HYAL4: variants seen among roughly 807,000 people sequenced by gnomAD.
The protein encoded by HYAL4 is hyaluronidase-4.
A neutral mutation model predicts 35.2 loss-of-function variants in HYAL4; 37 were observed. The ratio of observed to expected loss-of-function variants is 1.05; its 90% CI spans 0.81 to 1.38. The LOEUF is 1.38. HYAL4 is among the 40% of genes most tolerant of loss of function. The probability of loss-of-function intolerance (pLI) is 0.00; values close to 1 mark genes in which losing one functional copy is unlikely to be tolerated. For synonymous variants in HYAL4, 198 were observed against 203.2 expected (o/e 0.97, Z 0.22); for missense variants, 572 against 572.4 (o/e 1.00, Z 0.01).
At chr7:123,797,173 G>A in the HYAL4 span, among the ~76,000 whole-genome samples, 2 of 152,204 alleles carry the variant, frequency 1.3e-5, no homozygotes, top group Non-Finnish European at 2.9e-5. Context: ...AAAGAAGCCT[G>A]GCTTAATGAG....
the HYAL4 span, among the ~76,000 whole-genome samples, chr7:123,770,648 T>A: frequency 1.3e-5 from 2 of 151,954 alleles, no homozygotes; most frequent in Non-Finnish European, 2.9e-5. Flanking sequence ...GGAGCATTAG[T>A]CATGGAGAGG....
the HYAL4 span, among the ~76,000 whole-genome samples, chr7:123,820,713 G>A: frequency 2.0e-5 from 3 of 152,020 alleles, no homozygotes; most frequent in African/African-American, 4.8e-5. Context: ...GAGATCTCTC[G>A]AACTTGTTTA....
At chr7:123,809,371 T>C in the HYAL4 span, among the ~76,000 whole-genome samples, 3 of 151,890 alleles carry the variant, frequency 2.0e-5, no homozygotes, top group African/African-American at 7.2e-5. Flanking sequence ...AGCAGTATTC[T>C]TTCTTTCTTT....
chr7:123,861,988 C>T (rs1208542401), intron 2 of HYAL4, among the ~76,000 whole-genome samples: 1 of 151,970 alleles, frequency 6.6e-6, no homozygotes, highest in East Asian at 1.9e-4. Context: ...AAATATTTTG[C>T]TTTTTCTGCT....
At chr7:123,874,983 C>A (rs2116969292) in intron 4 of HYAL4, 133 bp downstream of exon 4, 1 of 611,408 alleles carries the variant, frequency 1.6e-6, no homozygotes, top group Non-Finnish European at 2.9e-6. Flanking sequence ...TGATACATAG[C>A]AAAGGCTAAA....
intron 3 of HYAL4, 133 bp downstream of exon 3, chr7:123,869,360 C>T (rs1314627606): frequency 6.1e-6 from 4 of 651,622 alleles, no homozygotes; most frequent in Non-Finnish European, 1.0e-5. Flanking sequence ...TCTTCCTTGA[C>T]TAGTCATGCA....
upstream of HYAL4, among the ~76,000 whole-genome samples, chr7:123,827,626 G>C (rs1399568210): frequency 1.3e-5 from 2 of 152,098 alleles, no homozygotes; most frequent in Non-Finnish European, 2.9e-5. Flanking sequence ...GATTGAATGT[G>C]CCTGTAACAA....
rs1031757226 is a variant in HYAL4, at chr7:123,877,261, A to G, written c.*106A>G. Reference sequence around the variant, plus strand: ...CTTATGAATTCTATTGAGAGATATTATAAGTAGACATTATGTATGTCACTT... The same window carrying G: ...CTTATGAATTCTATTGAGAGATATTGTAAGTAGACATTATGTATGTCACTT... On this transcript the variant is annotated 3_prime_UTR_variant, in exon 5 of 5. Transcript: ENST00000223026. 2.8e-6 allele frequency: 3 copies of G among 1,090,360 alleles called. No individual in the cohort carries two copies. The highest frequency in any genetic ancestry group is 3.2e-5 in the South Asian group (2 of 62,024). The allele number at this position is 1,090,360 out of a possible 1,614,324, so 67.5% of individuals were successfully genotyped here.
chr7:123,841,138 T>A (rs1806051059), upstream of HYAL4, among the ~76,000 whole-genome samples: 1 of 151,970 alleles, frequency 6.6e-6, no homozygotes, highest in African/African-American at 2.4e-5. Context: ...CATAAATAGC[T>A]CTTATTATTT....
chr7:123,834,084 T>C (rs1805924865), intron 1 of HYAL4, among the ~76,000 whole-genome samples: 1 of 152,154 alleles, frequency 6.6e-6, no homozygotes, highest in South Asian at 2.1e-4. Flanking sequence ...TTTGGTTCCG[T>C]AGGAATTTTA....
intron 1 of HYAL4, among the ~76,000 whole-genome samples, chr7:123,830,886 A>T (rs1218832984): frequency 6.6e-6 from 1 of 152,074 alleles, no homozygotes; most frequent in African/African-American, 2.4e-5. Flanking sequence ...GCTTTTCTAC[A>T]TCTGAACCCT....
chr7:123,872,495 A>AC lies in HYAL4; in HGVS notation c.955-2264dup, dbSNP rs112572624. Among the ~76,000 whole-genome samples the AC allele has an allele frequency of 1.4e-3, 220 of 152,358 alleles. 1 individual carries two copies. The highest frequency in any genetic ancestry group is 4.9e-3 in the African/African-American group (204 of 41,588). On this transcript the variant is annotated intron_variant, in intron 3 of 4. Transcript: ENST00000223026. ...ACTTTGATAAGCGTCAGGGACTGACACCGAAGTGTTGAGTGAATCCCCTGA... is the reference window on the plus strand; with the variant it reads ...ACTTTGATAAGCGTCAGGGACTGACACCCGAAGTGTTGAGTGAATCCCCTGA...
At chr7:123,781,013 G>A in the HYAL4 span, among the ~76,000 whole-genome samples, 1 of 50,126 alleles carries the variant, frequency 2.0e-5, no homozygotes, top group African/African-American at 1.1e-4. Context: ...ATATGGCCTC[G>A]TGGGAAGGGA....
chr7:123,798,015 C>G, the HYAL4 span, among the ~76,000 whole-genome samples: 2 of 152,154 alleles, frequency 1.3e-5, no homozygotes, highest in Non-Finnish European at 2.9e-5. Context: ...TTTTACCCAC[C>G]AGAGGGTGCT....
chr7:123,791,361 T>G, the HYAL4 span, among the ~76,000 whole-genome samples: 1 of 152,198 alleles, frequency 6.6e-6, no homozygotes, highest in African/African-American at 2.4e-5. Context: ...ATCATGTAAA[T>G]AGAAAATGAT....
At chr7:123,770,870 C>T in the HYAL4 span, among the ~76,000 whole-genome samples, 1 of 151,624 alleles carries the variant, frequency 6.6e-6, no homozygotes, top group Admixed American at 6.6e-5. Flanking sequence ...AATTATAGTC[C>T]GTGAAAGGCA....
the HYAL4 span, among the ~76,000 whole-genome samples, chr7:123,805,736 T>G: frequency 6.6e-6 from 1 of 152,206 alleles, no homozygotes; most frequent in African/African-American, 2.4e-5. Context: ...AATTGTTACA[T>G]TATGTAATAT....
chr7:123,775,120 T>A, the HYAL4 span, among the ~76,000 whole-genome samples: 2 of 152,174 alleles, frequency 1.3e-5, no homozygotes, highest in Non-Finnish European at 2.9e-5. Flanking sequence ...TTTAAGAGAA[T>A]ACTTGCACAT....
intron 2 of HYAL4, among the ~76,000 whole-genome samples, chr7:123,852,463 C>T (rs1009025443): frequency 1.3e-5 from 2 of 152,144 alleles, no homozygotes; most frequent in African/African-American, 4.8e-5. Context: ...ATATGGCTAG[C>T]CAGTTTTCCC....
Sources: gnomAD v4.1 joint callset for allele counts (sites outside exome capture counted in the v4.1 genomes callset) on GRCh38, gnomAD v4.1.1 for gene constraint, MANE v1.5 for transcripts, NCBI Gene and HGNC (gene_info 2026-07-23, HGNC 2026-07-21) for gene names.